Variants in TTYH2 observed in about 807,000 individuals in gnomAD.
The protein encoded by TTYH2 is tweety family member 2, also known as protein tweety homolog 2.
Under a neutral mutation model 68.3 loss-of-function variants are expected in TTYH2, and 49 were observed. The ratio of observed to expected loss-of-function variants is 0.72; its 90% CI spans 0.57 to 0.91. The LOEUF is 0.91. Ranked by LOEUF, TTYH2 falls within the 40% of genes least tolerant of loss-of-function variation. The probability of loss-of-function intolerance (pLI) is 0.00; values close to 1 mark genes in which losing one functional copy is unlikely to be tolerated. For synonymous variants in TTYH2, 272 were observed against 300.8 expected, an observed-to-expected ratio of 0.90 and a Z score of 0.99; for missense variants, 631 against 700.4, an observed-to-expected ratio of 0.90 and a Z score of 1.12.
In TTYH2 at chr17:74,237,371, G is replaced by T. The variant is rs758732585; in HGVS notation, c.492G>T (p.Arg164=). The T allele has an allele frequency of 1.2e-5, 20 of 1,614,164 alleles. No homozygotes were observed. Among genetic ancestry groups the T allele is most frequent in the Admixed American group, 3.3e-5 (2 of 60,018 alleles). The change falls in exon 4 of 14, where the codon CGG becomes CGT. Residue 164 remains arginine, a synonymous_variant. Coordinates refer to ENST00000269346, the MANE Select transcript of TTYH2 (RefSeq NM_032646.6). ...LARLSEIFAA[R]GDYLQTLKFI... ...GGCTCAGTGAGATCTTTGCTGCCCGGGGCGATTACCTGCAGACCCTGAAGT... is the reference window on the plus strand; with the variant it reads ...GGCTCAGTGAGATCTTTGCTGCCCGTGGCGATTACCTGCAGACCCTGAAGT...
Position 74,237,407 on chromosome 17 carries a change from G to A in TTYH2, c.528G>A (p.Gln176=), listed in dbSNP as rs542048479. ...TGCAGACCCTGAAGTTCATACAGCA[G>A]ATGGCGGGCAGCGTTGTTGTTCAGC... ...DYLQTLKFIQ[Q]MAGSVVVQLS... Residue 176 remains glutamine, a synonymous_variant, in exon 4 of 14, where the codon CAG becomes CAA. Transcript: ENST00000269346. 88 of 1,614,188 alleles carry A rather than the reference G, an allele frequency of 5.5e-5. No individual in the cohort carries two copies. The East Asian group carries it at 7.8e-4, about 14-fold the overall frequency.
chr17:74,252,729 G>C (rs912986199), intron 11 of TTYH2, among the ~76,000 whole-genome samples: 5 of 152,236 alleles, frequency 3.3e-5, no homozygotes, highest in African/African-American at 1.2e-4. Flanking sequence ...TAGCAAGAAG[G>C]ATACATGGGG....
At chr17:74,218,553 C>T (rs1017250789) in intron 1 of TTYH2, among the ~76,000 whole-genome samples, 4 of 151,736 alleles carry the variant, frequency 2.6e-5, no homozygotes, top group Admixed American at 1.3e-4. Flanking sequence ...AAAATGCCTC[C>T]GAGTTTGGGT....
At position 74,261,360 on chromosome 17, in the gene TTYH2, T is replaced by TC. The variant is rs1276686676; in HGVS notation, c.*1155dup. 1 of 152,226 alleles carries TC rather than the reference T, an allele frequency of 6.6e-6. No individual in the cohort carries two copies. Among genetic ancestry groups the TC allele is most frequent in the African/African-American group, 2.4e-5 (1 of 41,444 alleles). The allele number at this position is 152,226 out of a possible 1,614,324, so 9.4% of individuals were successfully genotyped here. ...ACTAGCCAAATGCCTACATCAGCTG[T>TC]CCCCTCCCTGTTGTCTCCAAGTAAG... On this transcript the variant is annotated 3_prime_UTR_variant, in exon 14 of 14. Coordinates refer to ENST00000269346, the MANE Select transcript of TTYH2 (RefSeq NM_032646.6).
In TTYH2 at chr17:74,245,595, C is replaced by T. The variant is rs76992927; in HGVS notation, c.804+1546C>T. Among the ~76,000 whole-genome samples the T allele has an allele frequency of 1.7e-4, 26 of 152,346 alleles. No individual in the cohort carries two copies. The East Asian group carries it at 2.9e-3, about 17-fold the overall frequency. ...GAGGCCATTTAATCTCCCAGCTGGG[C>T]GCCCTGGAATGCGGGGAGCTGGGGA... On this transcript the variant is annotated intron_variant, in intron 6 of 13. Coordinates refer to ENST00000269346, the MANE Select transcript of TTYH2 (RefSeq NM_032646.6).
At chr17:74,223,367 C>T (rs958440317) in intron 2 of TTYH2, among the ~76,000 whole-genome samples, 1 of 152,022 alleles carries the variant, frequency 6.6e-6, no homozygotes, top group Admixed American at 6.6e-5. Flanking sequence ...CTCAAGTGAT[C>T]CACCTGCCTC....
At chr17:74,219,302 T>A (rs543073323) in intron 1 of TTYH2, among the ~76,000 whole-genome samples, 7 of 148,406 alleles carry the variant, frequency 4.7e-5, no homozygotes, top group Non-Finnish European at 1.0e-4. Context: ...GGCAGGAGAA[T>A]CCCTTGCACC....
At chr17:74,249,258 AG>A (rs1324694839) in intron 7 of TTYH2, 85 bp from the exon 8 acceptor site, 4 of 1,583,410 alleles carry the variant, frequency 2.5e-6, no homozygotes, top group Non-Finnish European at 3.5e-6. Flanking sequence ...AGGGACGGGG[AG>A]GGAGGTCTGG....
intron 1 of TTYH2, among the ~76,000 whole-genome samples, chr17:74,220,292 T>C (rs2050263206): frequency 6.6e-6 from 1 of 152,204 alleles, no homozygotes; most frequent in Non-Finnish European, 1.5e-5. Flanking sequence ...AGCAAGTCAG[T>C]TTGAAGAAAA....
intron 6 of TTYH2, chr17:74,248,197 A>G: frequency 1.2e-6 from 1 of 866,462 alleles, no homozygotes; most frequent in East Asian, 1.2e-4. Context: ...AGGCCAGAGG[A>G]CCTGAGCTCT....
At position 74,249,084 on chromosome 17, in the gene TTYH2, A is replaced by G; in HGVS notation, c.874+4A>G. The G allele has an allele frequency of 6.2e-7, 1 of 1,614,074 alleles. No individual in the cohort carries two copies. Among genetic ancestry groups the G allele is most frequent in the Non-Finnish European group, 8.5e-7 (1 of 1,179,984 alleles). On this transcript the variant is annotated splice_donor_region_variant and intron_variant, in intron 7 of 13. Transcript: ENST00000269346. ...ACGGAGGGCCAGATCAGCACAGGTA[A>G]CTACACACTCTCAGGCTGCTGCTGT... is the stretch of plus-strand genomic sequence containing the variant.
At chr17:74,253,034 G>A (rs751603311) in intron 11 of TTYH2, 47 bp from the exon 12 acceptor site, 2 of 1,600,604 alleles carry the variant, frequency 1.2e-6, no homozygotes, top group South Asian at 1.1e-5. Context: ...CTGCCTCGGA[G>A]CCTCCTTCAC....
rs2050234255 is a variant in TTYH2, at chr17:74,217,684, C to T, written c.129+3968C>T. On this transcript the variant is annotated intron_variant, in intron 1 of 13. Transcript: ENST00000269346. The surrounding 1 kb of genome is among the most constrained non-coding windows in gnomAD (Gnocchi z 4.0). ...CCTAGTTTCCCTCTCCCAGCCTCCC[C>T]CTGAGACCGGCACACCTCTCTCTAT... 3.3e-5 allele frequency among the ~76,000 whole-genome samples: 5 copies of T among 152,206 alleles called. No homozygotes were observed.
intron 6 of TTYH2, among the ~76,000 whole-genome samples, chr17:74,246,566 C>G (rs1285365798): frequency 6.6e-6 from 1 of 152,150 alleles, no homozygotes; most frequent in Non-Finnish European, 1.5e-5. Flanking sequence ...GCAGGCTCAG[C>G]CATCACCTGG....
intron 10 of TTYH2, chr17:74,251,995 T>G (rs921135798): frequency 1.3e-5 from 7 of 537,534 alleles, no homozygotes; most frequent in Non-Finnish European, 2.3e-5. Context: ...CAGAGCCAGC[T>G]TCTTAGTGCC....
intron 2 of TTYH2, among the ~76,000 whole-genome samples, chr17:74,224,132 G>A (rs750312947): frequency 4.6e-5 from 7 of 152,184 alleles, no homozygotes; most frequent in Non-Finnish European, 8.8e-5. Flanking sequence ...CTGCATGGCC[G>A]GGCGCGGTGA....
At chr17:74,255,480 C>T (rs1453886687) in intron 13 of TTYH2, among the ~76,000 whole-genome samples, 1 of 151,642 alleles carries the variant, frequency 6.6e-6, no homozygotes. Context: ...GAGACGGAGT[C>T]TCACTCTTCT....
intron 9 of TTYH2, 68 bp downstream of exon 9, chr17:74,250,096 C>T: frequency 6.4e-7 from 1 of 1,567,738 alleles, no homozygotes; most frequent in Non-Finnish European, 8.8e-7. Context: ...CTGCCCCGGC[C>T]CCAGGGCCAG....
At chr17:74,252,181 G>T in intron 10 of TTYH2, 53 bp from the exon 11 acceptor site, 16 of 1,601,966 alleles carry the variant, frequency 1.0e-5, no homozygotes, top group Non-Finnish European at 1.4e-5. Context: ...AGCTCGGCCC[G>T]CAGGCTTTGC....
Sources: allele counts gnomAD v4.1 joint callset (sites outside exome capture counted in the v4.1 genomes callset), GRCh38; gene constraint gnomAD v4.1.1; non-coding constraint Gnocchi (gnomAD v3.1); transcripts MANE v1.5; gene names NCBI Gene and HGNC (gene_info 2026-07-23, HGNC 2026-07-21).